Variants in MILR1 observed in about 807,000 individuals in gnomAD.
MILR1 encodes mast cell immunoglobulin like receptor 1.
In MILR1, 31 loss-of-function variants were observed where a neutral mutation model predicts 18.5. The observed-to-expected ratio is 1.68, with a 90% CI of 1.26 to 2.26. MILR1 has a LOEUF of 2.26. Ranked by LOEUF, MILR1 falls within the 30% of genes most tolerant of loss-of-function variation. MILR1 has a pLI of 0.00. For synonymous variants in MILR1, 85 were observed against 56.2 expected (o/e 1.51, Z -2.30); for missense variants, 257 against 157.4 (o/e 1.63, Z -3.38).
chr17:64,494,464 T>C, the MILR1 span, among the ~76,000 whole-genome samples: 1 of 152,220 alleles, frequency 6.6e-6, no homozygotes, highest in African/African-American at 2.4e-5. Context: ...GACTGTTGCT[T>C]GAATCAATGA....
the MILR1 span, chr17:64,490,900 G>A: frequency 6.2e-7 from 1 of 1,613,892 alleles, no homozygotes; most frequent in Non-Finnish European, 8.5e-7. Flanking sequence ...TTGTAGTAAA[G>A]TTTGTTTCCT....
chr17:64,460,958 C>T (rs2037418028), intron 5 of MILR1, 26 bp downstream of exon 5: 1 of 471,950 alleles, frequency 2.1e-6, no homozygotes, highest in Non-Finnish European at 3.9e-6. Flanking sequence ...CGCTTTACCA[C>T]CCGTTTTCCC....
chr17:64,470,186 C>T (rs897749403), downstream of MILR1, among the ~76,000 whole-genome samples: 3 of 152,114 alleles, frequency 2.0e-5, no homozygotes, highest in African/African-American at 4.8e-5. Context: ...CTCTGCCTCC[C>T]GGGTTCAAGC....
At chr17:64,484,991 T>TAACTCC in the MILR1 span, among the ~76,000 whole-genome samples, 1 of 152,292 alleles carries the variant, frequency 6.6e-6, no homozygotes, top group East Asian at 1.9e-4. Flanking sequence ...TAGTGCCTCC[T>TAACTCC]AACTCCCTGA....
At chr17:64,469,491 G>A (rs1000299854), downstream of MILR1, among the ~76,000 whole-genome samples, 3 of 152,144 alleles carry the variant, frequency 2.0e-5, no homozygotes, top group African/African-American at 7.2e-5. Context: ...TCCGCCTCCC[G>A]GATTAAAGCG....
chr17:64,463,574 CAG>C (rs1325451099), intron 5 of MILR1, among the ~76,000 whole-genome samples: 5 of 152,154 alleles, frequency 3.3e-5, no homozygotes, highest in Non-Finnish European at 7.3e-5. Flanking sequence ...GAACCATCTC[CAG>C]AGAGTCACAA....
chr17:64,496,302 T>C, the MILR1 span: 4 of 733,770 alleles, frequency 5.5e-6, no homozygotes, highest in African/African-American at 7.1e-5. Flanking sequence ...CTAACTAACT[T>C]CCTTGCATGG....
chr17:64,460,720 T>A (rs1444622557), intron 4 of MILR1, 102 bp from the exon 5 acceptor site: 4 of 436,632 alleles, frequency 9.2e-6, no homozygotes, highest in East Asian at 3.3e-5. Flanking sequence ...GCATAGTACA[T>A]TGGTTAACTT....
At chr17:64,462,035 A>G (rs1419148600) in intron 5 of MILR1, among the ~76,000 whole-genome samples, 3 of 152,040 alleles carry the variant, frequency 2.0e-5, no homozygotes, top group Non-Finnish European at 4.4e-5. Flanking sequence ...GGTTGCTTCC[A>G]CCTTTTGTCT....
the MILR1 span, among the ~76,000 whole-genome samples, chr17:64,489,548 C>A: frequency 6.6e-6 from 1 of 151,090 alleles, no homozygotes; most frequent in Non-Finnish European, 1.5e-5. Flanking sequence ...ATTGTTTCAT[C>A]CCAGGAGTTC....
chr17:64,478,471 C>T, the MILR1 span, among the ~76,000 whole-genome samples: 2 of 152,174 alleles, frequency 1.3e-5, no homozygotes, highest in African/African-American at 4.8e-5. Context: ...GATAGATGCA[C>T]GGCTGACCTT....
At chr17:64,478,220 A>G in the MILR1 span, among the ~76,000 whole-genome samples, 1 of 152,218 alleles carries the variant, frequency 6.6e-6, no homozygotes, top group Non-Finnish European at 1.5e-5. Flanking sequence ...AGAAAATAAA[A>G]TCTGAGAATA....
chr17:64,475,649 CAA>C, the MILR1 span, among the ~76,000 whole-genome samples: 34,568 of 86,036 alleles, frequency 0.4, 8,321 homozygotes, highest in African/African-American at 0.7. Flanking sequence ...AACTCCAACT[CAA>C]AAAAAAAAAA....
intron 3 of MILR1, among the ~76,000 whole-genome samples, chr17:64,455,418 A>G (rs992068292): frequency 1.2e-4 from 18 of 152,250 alleles, no homozygotes; most frequent in Non-Finnish European, 1.8e-4. Context: ...ACTATGAGCC[A>G]TAAACACAAA....
chr17:64,458,678 C>T (rs1304328201), intron 4 of MILR1, among the ~76,000 whole-genome samples: 1 of 151,962 alleles, frequency 6.6e-6, no homozygotes, highest in Non-Finnish European at 1.5e-5. Context: ...CCAGGCTATG[C>T]ACCTTCCCCT....
At chr17:64,465,617 A>G in intron 6 of MILR1, 76 bp downstream of exon 6, 1 of 1,481,434 alleles carries the variant, frequency 6.8e-7, no homozygotes, top group East Asian at 2.5e-5. Context: ...GTACAGACAT[A>G]CGGGAGTGGG....
Position 64,466,384 on chromosome 17 carries a change from C to T in MILR1, c.854-58C>T, listed in dbSNP as rs541541814. 1.8e-5 allele frequency: 27 copies of T among 1,472,820 alleles called. No individual in the cohort carries two copies. In the East Asian group the frequency reaches 2.3e-4, roughly 13 times the overall value. 91.2% of individuals were successfully genotyped at this position (1,472,820 alleles called of 1,614,324 possible). A position where few individuals can be genotyped will look rare whatever the true frequency, so the allele number is the denominator to read the frequency against. The stretch of plus-strand genomic sequence containing the variant: ...CCAGACGCATTGCTGAGCAATTTAC[C>T]GACCTTTTCTAACACAAACGCCACC... On this transcript the variant is annotated intron_variant, in intron 6 of 9. Coordinates refer to ENST00000619286, the MANE Select transcript of MILR1 (RefSeq NM_001085423.2).
the MILR1 span, among the ~76,000 whole-genome samples, chr17:64,492,190 C>T: frequency 6.6e-6 from 1 of 152,144 alleles, no homozygotes; most frequent in Non-Finnish European, 1.5e-5. Flanking sequence ...TTATTTCATA[C>T]AGTTTAAATG....
intron 5 of MILR1, among the ~76,000 whole-genome samples, chr17:64,464,675 T>A (rs1323155702): frequency 6.6e-6 from 1 of 152,206 alleles, no homozygotes; most frequent in Non-Finnish European, 1.5e-5. Flanking sequence ...GCACAGTGGC[T>A]CATGCCTGTA....
Sources: gnomAD v4.1 joint callset for allele counts (sites outside exome capture counted in the v4.1 genomes callset) on GRCh38, gnomAD v4.1.1 for gene constraint, MANE v1.5 for transcripts, NCBI Gene and HGNC (gene_info 2026-07-23, HGNC 2026-07-21) for gene names.